The following SH3RF1 variants were observed in gnomAD, a reference collection of about 807,000 sequenced individuals.
SH3RF1 encodes E3 ubiquitin-protein ligase SH3RF1.
A neutral mutation model predicts 74.0 loss-of-function variants in SH3RF1; 32 were observed. The ratio of observed to expected loss-of-function variants is 0.43; its 90% CI spans 0.33 to 0.58. The LOEUF (loss-of-function observed/expected upper bound fraction) is 0.58, where lower values mean the gene tolerates loss of function less well. Ranked by LOEUF, SH3RF1 falls within the 20% of genes least tolerant of loss-of-function variation. The pLI, the probability that SH3RF1 is intolerant of heterozygous loss-of-function variation, is 0.05. For missense variants in SH3RF1, 954 were observed against 1,130.9 expected (o/e 0.84, Z 2.24); for synonymous variants, 396 against 439.6 (o/e 0.90, Z 1.24).
chr4:169,187,027 G>T (rs1422289479), intron 2 of SH3RF1, among the ~76,000 whole-genome samples: 1 of 144,846 alleles, frequency 6.9e-6, no homozygotes, highest in Non-Finnish European at 1.5e-5. Flanking sequence ...AAAAAAAAAT[G>T]AAAAAGAAAA....
chr4:169,110,980 C>T (rs1217496789), intron 10 of SH3RF1, among the ~76,000 whole-genome samples: 1 of 152,010 alleles, frequency 6.6e-6, no homozygotes, highest in Non-Finnish European at 1.5e-5. Flanking sequence ...ACTTAGAGAA[C>T]TTAAGAACAA....
intron 2 of SH3RF1, among the ~76,000 whole-genome samples, chr4:169,255,087 A>C (rs936297210): frequency 6.6e-6 from 1 of 152,194 alleles, no homozygotes; most frequent in Non-Finnish European, 1.5e-5. Flanking sequence ...ATGGTAAGGC[A>C]CTGGAATAAG....
At chr4:169,261,641 G>C (rs1216346993) in intron 2 of SH3RF1, among the ~76,000 whole-genome samples, 1 of 150,870 alleles carries the variant, frequency 6.6e-6, no homozygotes, top group Non-Finnish European at 1.5e-5. Flanking sequence ...GCTTCTTATA[G>C]ATCAATGTGA....
chr4:169,127,691 C>T (rs748122213), intron 6 of SH3RF1, among the ~76,000 whole-genome samples: 13 of 152,142 alleles, frequency 8.5e-5, no homozygotes, highest in Non-Finnish European at 1.9e-4. Context: ...AATAAAATGG[C>T]TGAATGTAAA....
intron 2 of SH3RF1, among the ~76,000 whole-genome samples, chr4:169,220,519 G>A (rs866940558): frequency 7.2e-5 from 11 of 152,190 alleles, no homozygotes; most frequent in African/African-American, 2.4e-4. Context: ...GAGTGGGGAA[G>A]GTGTTGTGGG....
intron 11 of SH3RF1, among the ~76,000 whole-genome samples, chr4:169,102,787 C>A (rs1384162773): frequency 1.3e-5 from 2 of 152,126 alleles, no homozygotes; most frequent in African/African-American, 4.8e-5. Flanking sequence ...TAAGAGAATT[C>A]TCTCTGCTGA....
Position 169,096,154 on chromosome 4 carries a change from T to C in SH3RF1, c.*365A>G, listed in dbSNP as rs1367899232. The C allele has an allele frequency of 1.8e-5, 3 of 170,818 alleles. No homozygotes were observed. Among genetic ancestry groups the C allele is most frequent in the Non-Finnish European group, 1.2e-5 (1 of 80,784 alleles). 10.6% of individuals were successfully genotyped at this position (170,818 alleles called of 1,614,324 possible). On this transcript the variant is annotated 3_prime_UTR_variant, in exon 12 of 12. Transcript: ENST00000284637. The stretch of plus-strand genomic sequence containing the variant: ...ATAAATTAATAATTTCTTAAAATCA[T>C]AATCCAAAGAACGTATCTATTATAC...
chr4:169,144,271 C>G lies in SH3RF1; in HGVS notation c.766-7651G>C, dbSNP rs6829210. ...GTCATTTGACCTTGGGTATGCCTCC[C>G]ATTTCTCATTTGTAACATGAAGCAA... On this transcript the variant is annotated intron_variant, in intron 4 of 11. Coordinates refer to ENST00000284637, the MANE Select transcript of SH3RF1 (RefSeq NM_020870.4). Among the ~76,000 whole-genome samples, 1,366 of 152,266 alleles carry G rather than the reference C, an allele frequency of 9.0e-3. 17 individuals carry two copies. The highest frequency in any genetic ancestry group is 0.031 in the African/African-American group (1,281 of 41,536).
intron 2 of SH3RF1, among the ~76,000 whole-genome samples, chr4:169,168,584 A>G (rs1734281453): frequency 6.6e-6 from 1 of 152,230 alleles, no homozygotes; most frequent in African/African-American, 2.4e-5. Context: ...AACTCGCTGA[A>G]TAAAAAAATA....
At chr4:169,155,711 T>C in intron 3 of SH3RF1, 136 bp from the exon 4 acceptor site, 1 of 664,014 alleles carries the variant, frequency 1.5e-6, no homozygotes, top group Non-Finnish European at 2.6e-6. Flanking sequence ...ATATCTTTAG[T>C]ACATGGATTA....
At chr4:169,256,673 T>C (rs958633011) in intron 2 of SH3RF1, among the ~76,000 whole-genome samples, 3 of 152,114 alleles carry the variant, frequency 2.0e-5, no homozygotes, top group Admixed American at 6.5e-5. Context: ...CACAGCTCAC[T>C]GCAGCCTCAA....
chr4:169,234,165 G>T (rs1289435365), intron 2 of SH3RF1, among the ~76,000 whole-genome samples: 1 of 152,058 alleles, frequency 6.6e-6, no homozygotes, highest in Non-Finnish European at 1.5e-5. Context: ...ATCCCCACCT[G>T]CCAGGAACGT....
intron 2 of SH3RF1, among the ~76,000 whole-genome samples, chr4:169,214,283 T>C (rs1435589246): frequency 6.6e-6 from 1 of 152,218 alleles, no homozygotes; most frequent in Non-Finnish European, 1.5e-5. Context: ...CTGCTCCCAC[T>C]TCATTGTCTG....
At chr4:169,106,105 TTTATTA>T (rs1202874696) in intron 11 of SH3RF1, among the ~76,000 whole-genome samples, 5 of 150,676 alleles carry the variant, frequency 3.3e-5, no homozygotes, top group South Asian at 2.1e-4. Flanking sequence ...TGTATATATA[TTTATTA>T]TTATTATTAT....
At chr4:169,242,300 T>C (rs1041628336) in intron 2 of SH3RF1, among the ~76,000 whole-genome samples, 11 of 152,230 alleles carry the variant, frequency 7.2e-5, no homozygotes, top group African/African-American at 2.7e-4. Context: ...ATACCACTTA[T>C]GCAGCGACCC....
chr4:169,224,764 T>C (rs933216102), intron 2 of SH3RF1, among the ~76,000 whole-genome samples: 1 of 152,144 alleles, frequency 6.6e-6, no homozygotes, highest in Non-Finnish European at 1.5e-5. Flanking sequence ...GGTGCTCAGA[T>C]GTAATAAGAT....
intron 2 of SH3RF1, among the ~76,000 whole-genome samples, chr4:169,181,416 C>T (rs1364369211): frequency 1.3e-5 from 2 of 152,002 alleles, no homozygotes; most frequent in African/African-American, 4.8e-5. Context: ...GCTCATGCCA[C>T]CATACCCAGC....
At chr4:169,177,747 GT>G (rs1227206710) in intron 2 of SH3RF1, among the ~76,000 whole-genome samples, 1 of 151,990 alleles carries the variant, frequency 6.6e-6, no homozygotes, top group Non-Finnish European at 1.5e-5. Context: ...ATGTAAACAA[GT>G]TTCCATAAAG....
chr4:169,225,074 G>C (rs1730636630), intron 2 of SH3RF1, among the ~76,000 whole-genome samples: 2 of 152,190 alleles, frequency 1.3e-5, no homozygotes. Flanking sequence ...GGAGTAAAGA[G>C]AGCAAAGCTC....
Sources: gnomAD v4.1 joint callset for allele counts (sites outside exome capture counted in the v4.1 genomes callset) on GRCh38, gnomAD v4.1.1 for gene constraint, MANE v1.5 for transcripts, NCBI Gene and HGNC (gene_info 2026-07-23, HGNC 2026-07-21) for gene names.